Variants in HPSE observed in about 807,000 individuals in gnomAD.
The protein encoded by HPSE is heparanase.
A neutral mutation model predicts 65.1 loss-of-function variants in HPSE; 48 were observed. That is an observed-to-expected ratio of 0.74 (90% CI 0.58 to 0.94). The LOEUF (loss-of-function observed/expected upper bound fraction) is 0.94. Ranked by LOEUF, HPSE falls within the 40% of genes least tolerant of loss-of-function variation. HPSE has a pLI of 0.00. For missense variants in HPSE, 644 were observed against 637.5 expected, an observed-to-expected ratio of 1.01 and a Z score of -0.11; for synonymous variants, 243 against 260.0, an observed-to-expected ratio of 0.93 and a Z score of 0.63.
chr4:83,325,130 G>GGTGTGTGTGT (rs70949703), intron 1 of HPSE, among the ~76,000 whole-genome samples: 47 of 134,268 alleles, frequency 3.5e-4, no homozygotes, highest in South Asian at 5.2e-4. Flanking sequence ...TATACAACTT[G>GGTGTGTGTGT]GTGTGTGTGT....
upstream of HPSE, chr4:83,334,899 G>T: frequency 3.5e-6 from 5 of 1,410,884 alleles, no homozygotes; most frequent in South Asian, 6.0e-5. Context: ...GCCCCGTTAC[G>T]CCTCCTCACC....
At chr4:83,307,167 C>T (rs573447455) in intron 8 of HPSE, among the ~76,000 whole-genome samples, 76 of 152,222 alleles carry the variant, frequency 5.0e-4, no homozygotes, top group Non-Finnish European at 8.5e-4. Flanking sequence ...AATAATAAAA[C>T]TCTGGTCTCC....
In HPSE at chr4:83,334,738, C is replaced by T. The variant is rs1346795341; in HGVS notation, c.45G>A (p.Leu15=). The change falls in exon 1 of 12, where the codon CTG becomes CTA. Residue 15 remains leucine (L), a synonymous_variant. Coordinates refer to ENST00000311412, the MANE Select transcript of HPSE (RefSeq NM_001098540.3). ...SKPALPPPLM[L]LLLGPLGPLS... ...GGGGACCCAGCGGCCCCAGGAGCAG[C>T]AGCATCAGCGGCGGCGGCAGCGCAG... The T allele has an allele frequency of 1.9e-6, 3 of 1,559,268 alleles. No individual in the cohort carries two copies. The highest frequency in any genetic ancestry group is 2.6e-6 in the Non-Finnish European group (3 of 1,151,626).
chr4:83,316,655 C>G (rs1464473499), intron 3 of HPSE, among the ~76,000 whole-genome samples: 1 of 152,180 alleles, frequency 6.6e-6, no homozygotes. Context: ...AGTTAGCTCA[C>G]TCAGGATGAC....
intron 9 of HPSE, among the ~76,000 whole-genome samples, chr4:83,303,107 T>C (rs1026518865): frequency 6.6e-6 from 1 of 151,750 alleles, no homozygotes; most frequent in African/African-American, 2.4e-5. Context: ...CCAGACATTC[T>C]GTGCTTCCAG....
At position 83,322,235 on chromosome 4, in the gene HPSE, T is replaced by C. The variant is rs775567266; in HGVS notation, c.357A>G (p.Gln119=). ...ESTFEERSYW[Q]SQVNQDICKY... Reference sequence around the variant, plus strand: ...AATTTTCACCCTGGTTGACTTGAGATTGCCAGTAACTTCTCTCTTCAAAGG... The same window carrying C: ...AATTTTCACCCTGGTTGACTTGAGACTGCCAGTAACTTCTCTCTTCAAAGG... Residue 119 remains glutamine (Q), a synonymous_variant, in exon 2 of 12, where the codon CAA becomes CAG. Transcript: ENST00000311412. 2 of 1,613,588 alleles carry C rather than the reference T, an allele frequency of 1.2e-6. No homozygotes were observed. Among genetic ancestry groups the C allele is most frequent in the East Asian group, 2.2e-5 (1 of 44,880 alleles).
chr4:83,311,465 G>A (rs1287726696), intron 4 of HPSE, among the ~76,000 whole-genome samples: 2 of 151,968 alleles, frequency 1.3e-5, no homozygotes, highest in Non-Finnish European at 2.9e-5. Context: ...GGATATCTGG[G>A]AACTAGACTA....
rs1560515899 is a variant in HPSE, at chr4:83,327,000, C to T, written c.228-4636G>A. On this transcript the variant is annotated intron_variant, in intron 1 of 11. Coordinates refer to ENST00000311412, the MANE Select transcript of HPSE (RefSeq NM_001098540.3). This position sits in a 1 kb window ranked among gnomAD's most constrained non-coding sequence, Gnocchi z 4.2. ...GGTCACTCTCCATCACACTGCGCTG[C>T]CTTCATTTTCTTCATAGCATTCATC... Among the ~76,000 whole-genome samples the T allele has an allele frequency of 6.6e-6, 1 of 152,130 alleles. No homozygotes were observed. Among genetic ancestry groups the T allele is most frequent in the Non-Finnish European group, 1.5e-5 (1 of 68,024 alleles).
chr4:83,302,346 C>G, intron 9 of HPSE, 78 bp from the exon 10 acceptor site: 1 of 838,854 alleles, frequency 1.2e-6, no homozygotes, highest in South Asian at 1.5e-5. Flanking sequence ...CAGTGGCAAG[C>G]AAATAGTTAT....
At chr4:83,314,269 C>T (rs28609251) in intron 3 of HPSE, among the ~76,000 whole-genome samples, 1 of 46,774 alleles carries the variant, frequency 2.1e-5, no homozygotes, top group African/African-American at 1.1e-4. Context: ...AAAAAAAAAA[C>T]AAAAAAACAA....
At chr4:83,301,343 C>T (rs1396671816) in intron 10 of HPSE, among the ~76,000 whole-genome samples, 2 of 152,066 alleles carry the variant, frequency 1.3e-5, no homozygotes, top group Non-Finnish European at 2.9e-5. Context: ...TTCATGCTAC[C>T]AATGTCTGGG....
chr4:83,328,615 G>A (rs141495315), intron 1 of HPSE, among the ~76,000 whole-genome samples: 17 of 152,286 alleles, frequency 1.1e-4, no homozygotes, highest in African/African-American at 4.1e-4. Context: ...TGATGATGTC[G>A]GAGAGATTGA....
At chr4:83,319,859 G>A (rs560375364) in intron 2 of HPSE, among the ~76,000 whole-genome samples, 9 of 151,962 alleles carry the variant, frequency 5.9e-5, no homozygotes, top group Admixed American at 2.0e-4. Flanking sequence ...TCAGGAGTTC[G>A]AGACCAGCCT....
chr4:83,300,731 C>T (rs1450450162), intron 11 of HPSE, among the ~76,000 whole-genome samples: 1 of 62,002 alleles, frequency 1.6e-5, no homozygotes, highest in Non-Finnish European at 3.8e-5. Context: ...AGGAGAATGG[C>T]GTGAACCCGG....
intron 3 of HPSE, among the ~76,000 whole-genome samples, chr4:83,316,595 C>T (rs552848351): frequency 3.3e-5 from 5 of 152,036 alleles, no homozygotes; most frequent in Admixed American, 2.0e-4. Flanking sequence ...GTGTAGGCAA[C>T]GGAAGAATGG....
intron 3 of HPSE, among the ~76,000 whole-genome samples, chr4:83,315,219 C>T (rs1008105379): frequency 1.3e-5 from 2 of 152,032 alleles, no homozygotes; most frequent in South Asian, 4.1e-4. Flanking sequence ...AGAAACAACT[C>T]TTGCAAGCTG....
At chr4:83,334,995 T>A, upstream of HPSE, 1 of 698,080 alleles carries the variant, frequency 1.4e-6, no homozygotes, top group Non-Finnish European at 2.2e-6. Flanking sequence ...CCTGCCCGGC[T>A]CTCTCCTACT....
Position 83,295,448 on chromosome 4 carries a change from G to T in HPSE, c.1528C>A (p.Pro510Thr), listed in dbSNP as rs371462727. The T allele has an allele frequency of 6.8e-6, 11 of 1,613,062 alleles. No individual in the cohort carries two copies. Among genetic ancestry groups the T allele is most frequent in the Non-Finnish European group, 9.3e-6 (11 of 1,179,316 alleles). The change falls in exon 12 of 12, where the codon CCT becomes ACT. Residue 510 changes from proline to threonine, a missense_variant. Transcript: ENST00000311412. ...GGCCGGAGAGGTTTTTCCATTAAAG[G>T]TGGCAAGGTTTGATCATCCACCATC... ...LKMVDDQTLP[P>T]LMEKPLRPGS... is the part of the protein sequence containing the mutation.
rs780442835 is a variant in HPSE at position 83,322,366 on chromosome 4, T to A, written c.228-2A>T. ...GCCAAGGTACGAAGCTTTGGAGAAC[T>A]GTTAGGAAGACAAGCAAGAAAGTAT... On this transcript the variant is annotated splice_acceptor_variant, in intron 1 of 11. Coordinates refer to ENST00000311412, the MANE Select transcript of HPSE (RefSeq NM_001098540.3). LOFTEE classifies it high-confidence loss of function. 6.3e-7 allele frequency: 1 copy of A among 1,598,824 alleles called. No homozygotes were observed. Among genetic ancestry groups the A allele is most frequent in the African/African-American group, 1.3e-5 (1 of 74,196 alleles).
Sources: gnomAD v4.1 joint callset for allele counts (sites outside exome capture counted in the v4.1 genomes callset) on GRCh38, gnomAD v4.1.1 for gene constraint, Gnocchi (gnomAD v3.1) non-coding constraint, MANE v1.5 for transcripts, NCBI Gene and HGNC (gene_info 2026-07-23, HGNC 2026-07-21) for gene names.